The following ACKR3 variants were observed in gnomAD, a reference collection of about 807,000 sequenced individuals.
The protein encoded by ACKR3 is atypical chemokine receptor 3.
In ACKR3, 6 loss-of-function variants were observed where a neutral mutation model predicts 22.4. The observed-to-expected ratio is 0.27, with a 90% CI of 0.15 to 0.53. The LOEUF (loss-of-function observed/expected upper bound fraction) is 0.53. Among genes scored for constraint, ACKR3 ranks in the 20% least tolerant of loss-of-function variants. The pLI is 0.96. For missense variants in ACKR3, 396 were observed against 475.2 expected (o/e 0.83, Z 1.55); for synonymous variants, 209 against 205.2 (o/e 1.02, Z -0.16).
At chr2:236,576,851 G>A (rs1691422110) in intron 1 of ACKR3, among the ~76,000 whole-genome samples, 1 of 152,240 alleles carries the variant, frequency 6.6e-6, no homozygotes, top group South Asian at 2.1e-4. Context: ...AATGACAAAA[G>A]GGTAAGCTAT....
chr2:236,555,565 C>T, the ACKR3 span, among the ~76,000 whole-genome samples: 1 of 152,240 alleles, frequency 6.6e-6, no homozygotes, highest in Admixed American at 6.5e-5. Context: ...CTAAAAGCTG[C>T]CTTCAGCTCT....
chr2:236,545,931 C>T, the ACKR3 span, among the ~76,000 whole-genome samples: 1 of 152,154 alleles, frequency 6.6e-6, no homozygotes, highest in Non-Finnish European at 1.5e-5. The surrounding 1 kb of genome is among the most constrained non-coding windows in gnomAD (Gnocchi z 5.3). Context: ...TTAAAGTCTG[C>T]GAGAAAGGAA....
chr2:236,558,238 G>C, the ACKR3 span, among the ~76,000 whole-genome samples: 1 of 152,194 alleles, frequency 6.6e-6, no homozygotes, highest in Admixed American at 6.5e-5. Context: ...AGTGCGTGGA[G>C]AGTAGTAGCC....
the ACKR3 span, among the ~76,000 whole-genome samples, chr2:236,540,557 A>T: frequency 4.6e-5 from 7 of 152,108 alleles, no homozygotes; most frequent in Non-Finnish European, 7.4e-5. Context: ...AGTGTTTTTC[A>T]TGTTCTAAGA....
chr2:236,538,098 C>G, the ACKR3 span, among the ~76,000 whole-genome samples: 3,457 of 150,400 alleles, frequency 0.023, 142 homozygotes, highest in African/African-American at 0.08. Flanking sequence ...TTTTTTTTTT[C>G]TAGCGTGAAA....
chr2:236,539,551 G>T, the ACKR3 span, among the ~76,000 whole-genome samples: 8 of 151,866 alleles, frequency 5.3e-5, no homozygotes, highest in Non-Finnish European at 1.2e-4. Context: ...AACCTCAAGT[G>T]ATCCACCTGC....
At chr2:236,566,957 TCC>T (rs1431418919), upstream of ACKR3, among the ~76,000 whole-genome samples, 11 of 150,122 alleles carry the variant, frequency 7.3e-5, no homozygotes, top group Middle Eastern at 3.2e-3. Context: ...CTGCCTTCCT[TCC>T]TTCCTTCCTT....
rs114269199 is a variant in ACKR3, at chr2:236,580,655, G to C, written c.190G>C (p.Val64Leu). The C allele has an allele frequency of 5.0e-4, 807 of 1,614,068 alleles. 5 individuals are homozygous for C. In the African/African-American group the frequency reaches 0.01, roughly 20 times the overall value. ...IFVIGMIANS[V>L]VVWVNIQAKT... ...CGTCATCGGCATGATTGCCAACTCCGTGGTGGTCTGGGTGAATATCCAGGC... is the reference window on the plus strand; with the variant it reads ...CGTCATCGGCATGATTGCCAACTCCCTGGTGGTCTGGGTGAATATCCAGGC... Residue 64 changes from valine (V) to leucine (L), a missense_variant, in exon 2 of 2, where the codon GTG (valine) becomes CTG (leucine). Physicochemically the swap from Val to Leu is conservative, Grantham distance 32. Coordinates refer to ENST00000272928, the MANE Select transcript of ACKR3 (RefSeq NM_020311.3).
the ACKR3 span, among the ~76,000 whole-genome samples, chr2:236,543,535 G>A: frequency 3.3e-5 from 5 of 152,102 alleles, no homozygotes; most frequent in South Asian, 6.2e-4. Flanking sequence ...TTGATATGTC[G>A]TGAGTCCCAA....
chr2:236,545,744 A>G, the ACKR3 span, among the ~76,000 whole-genome samples: 6 of 152,346 alleles, frequency 3.9e-5, no homozygotes, highest in Admixed American at 2.6e-4. The surrounding 1 kb of genome is among the most constrained non-coding windows in gnomAD (Gnocchi z 5.3). Flanking sequence ...ACCCCTGGGA[A>G]TATACTTTAC....
chr2:236,558,069 A>T, the ACKR3 span, among the ~76,000 whole-genome samples: 9 of 152,208 alleles, frequency 5.9e-5, no homozygotes, highest in Non-Finnish European at 1.3e-4. Flanking sequence ...TTTCTCTAGA[A>T]CAGACACGCT....
At chr2:236,575,412 CTGTG>C (rs151190714) in intron 1 of ACKR3, among the ~76,000 whole-genome samples, 16 of 125,162 alleles carry the variant, frequency 1.3e-4, no homozygotes, top group East Asian at 9.3e-4. Flanking sequence ...TGGGGTTGTG[CTGTG>C]TGTGTGTGTG....
At chr2:236,543,940 GGTATATAT>G in the ACKR3 span, among the ~76,000 whole-genome samples, 3 of 80,958 alleles carry the variant, frequency 3.7e-5, no homozygotes, top group East Asian at 1.4e-3. Flanking sequence ...CTGGGAGAAG[GGTATATAT>G]ATATATATAT....
upstream of ACKR3, among the ~76,000 whole-genome samples, chr2:236,566,898 C>A (rs1450871269): frequency 6.7e-6 from 1 of 150,372 alleles, no homozygotes; most frequent in Non-Finnish European, 1.5e-5. Context: ...CTCTCTCTGT[C>A]TCTCCCTCTT....
rs567798903 is a variant in ACKR3, at chr2:236,577,747, C to T, written c.-26-2693C>T. ...GGCGGATTCGGGATCCAAGTTCGGG[C>T]GAACAAAGACTGAGGGTCATTTCTT... On this transcript the variant is annotated intron_variant, in intron 1 of 1. Coordinates refer to ENST00000272928, the MANE Select transcript of ACKR3 (RefSeq NM_020311.3). This position sits in a 1 kb window ranked among gnomAD's most constrained non-coding sequence, Gnocchi z 5.6. 3.9e-5 allele frequency among the ~76,000 whole-genome samples: 6 copies of T among 152,268 alleles called. No homozygotes were observed. Among genetic ancestry groups the T allele is most frequent in the South Asian group, 4.1e-4 (2 of 4,824 alleles).
chr2:236,546,408 T>C, the ACKR3 span, among the ~76,000 whole-genome samples: 56 of 152,348 alleles, frequency 3.7e-4, 1 homozygote, highest in African/African-American at 1.3e-3. This position sits in a 1 kb window ranked among gnomAD's most constrained non-coding sequence, Gnocchi z 4.9. Flanking sequence ...TAGTTCACAT[T>C]GTGATTTTTA....
chr2:236,569,085 A>T (rs1691251340), upstream of ACKR3, among the ~76,000 whole-genome samples: 1 of 152,232 alleles, frequency 6.6e-6, no homozygotes. Context: ...GATTGCAATA[A>T]TTGTAGTAAA....
chr2:236,581,762 C>A lies in ACKR3; in HGVS notation c.*208C>A. 1.6e-6 allele frequency: 1 copy of A among 625,072 alleles called. No individual in the cohort carries two copies. Among genetic ancestry groups the A allele is most frequent in the Non-Finnish European group, 2.7e-6 (1 of 368,990 alleles). The allele number at this position is 625,072 out of a possible 1,614,324, so 38.7% of individuals were successfully genotyped here. On this transcript the variant is annotated 3_prime_UTR_variant, in exon 2 of 2. Coordinates refer to ENST00000272928, the MANE Select transcript of ACKR3 (RefSeq NM_020311.3). This position sits in a 1 kb window ranked among gnomAD's most constrained non-coding sequence, Gnocchi z 4.4. ...TGCGTGCTGACAGTTTTGCAACAGG[C>A]AGAGCTGTGTCGCACAGCAGTGCTG...
chr2:236,571,618 G>GAAAAAAA (rs397988342), intron 1 of ACKR3, among the ~76,000 whole-genome samples: 2 of 76,600 alleles, frequency 2.6e-5, no homozygotes, highest in African/African-American at 4.6e-5. Context: ...CTTTCTGAAT[G>GAAAAAAA]AAAAAAAAAA....
Sources: gnomAD v4.1 joint callset for allele counts (sites outside exome capture counted in the v4.1 genomes callset) on GRCh38, gnomAD v4.1.1 for gene constraint, Gnocchi (gnomAD v3.1) non-coding constraint, MANE v1.5 for transcripts, NCBI Gene and HGNC (gene_info 2026-07-23, HGNC 2026-07-21) for gene names.